The following SCAI variants were observed in gnomAD, a reference collection of about 807,000 sequenced individuals.
SCAI encodes the protein protein SCAI.
SCAI carries 24 observed loss-of-function variants against 92.2 expected under a neutral mutation model. The ratio of observed to expected loss-of-function variants is 0.26; its 90% CI spans 0.19 to 0.37. SCAI has a LOEUF of 0.37. SCAI is among the 10% of genes least tolerant of loss of function. The pLI is 1.00. For synonymous variants in SCAI, 261 were observed against 258.6 expected, an observed-to-expected ratio of 1.01 and a Z score of -0.09; for missense variants, 450 against 736.2, an observed-to-expected ratio of 0.61 and a Z score of 4.50.
At chr9:125,004,264 G>C (rs916956432) in intron 9 of SCAI, among the ~76,000 whole-genome samples, 8 of 151,838 alleles carry the variant, frequency 5.3e-5, no homozygotes, top group Non-Finnish European at 1.0e-4. Flanking sequence ...ATTCACACGT[G>C]TAGGTAGTGT....
intron 2 of SCAI, among the ~76,000 whole-genome samples, chr9:125,081,581 GT>G (rs1176146916): frequency 6.6e-6 from 1 of 152,108 alleles, no homozygotes; most frequent in Non-Finnish European, 1.5e-5. Context: ...GTTTTGTTTT[GT>G]TTTGTTTGGA....
intron 2 of SCAI, among the ~76,000 whole-genome samples, chr9:125,141,330 GTAT>G (rs1268918696): frequency 6.6e-6 from 1 of 152,162 alleles, no homozygotes; most frequent in African/African-American, 2.4e-5. Flanking sequence ...GGTTTTCTGT[GTAT>G]TAACATCATT....
intron 2 of SCAI, among the ~76,000 whole-genome samples, chr9:125,061,215 T>A (rs947015235): frequency 6.6e-6 from 1 of 152,028 alleles, no homozygotes; most frequent in African/African-American, 2.4e-5. Flanking sequence ...GAAAATGGCA[T>A]GAACCCAGGA....
At chr9:125,102,364 T>C (rs1834695223) in intron 2 of SCAI, among the ~76,000 whole-genome samples, 1 of 152,176 alleles carries the variant, frequency 6.6e-6, no homozygotes, top group Non-Finnish European at 1.5e-5. Flanking sequence ...TAAGAGGCCA[T>C]TAGACATGAA....
rs540178147 is a variant in SCAI at position 124,950,692 on chromosome 9, T to C, written c.*2115A>G. On this transcript the variant is annotated 3_prime_UTR_variant, in exon 18 of 18. Coordinates refer to ENST00000336505, the MANE Select transcript of SCAI (RefSeq NM_001144877.3). ...AAAACCCACTAGCAAAGGAAATCTT[T>C]CCAGGGTAACTTTTCCCAAGCTTTC... The C allele has an allele frequency of 6.6e-6, 1 of 152,214 alleles. No homozygotes were observed. Among genetic ancestry groups the C allele is most frequent in the East Asian group, 1.9e-4 (1 of 5,184 alleles). The allele number at this position is 152,214 out of a possible 1,614,324, so 9.4% of individuals were successfully genotyped here.
Position 125,091,384 on chromosome 9 carries a change from G to T in SCAI, c.99-35377C>A, listed in dbSNP as rs1249538431. ...ATTAAGGTCTGTAATTTTCAACCAAGAACCTTTCCTGGAACAATGCCGTTT... is the reference window on the plus strand; with the variant it reads ...ATTAAGGTCTGTAATTTTCAACCAATAACCTTTCCTGGAACAATGCCGTTT... On this transcript the variant is annotated intron_variant, in intron 2 of 17. Transcript: ENST00000336505. The surrounding 1 kb of genome is among the most constrained non-coding windows in gnomAD (Gnocchi z 4.3). Among the ~76,000 whole-genome samples, 1 of 152,094 alleles carries T rather than the reference G, an allele frequency of 6.6e-6. No individual in the cohort carries two copies. The highest frequency in any genetic ancestry group is 2.4e-5 in the African/African-American group (1 of 41,380).
intron 2 of SCAI, among the ~76,000 whole-genome samples, chr9:125,074,122 G>C (rs1176775821): frequency 6.6e-6 from 1 of 151,456 alleles, no homozygotes; most frequent in Non-Finnish European, 1.5e-5. Context: ...AGCCAGGTGT[G>C]GTGGCACGCG....
chr9:125,120,102 C>T (rs1835128901), intron 2 of SCAI, among the ~76,000 whole-genome samples: 1 of 152,184 alleles, frequency 6.6e-6, no homozygotes, highest in African/African-American at 2.4e-5. Context: ...CAGGCTTCAC[C>T]ACTAGATGGG....
At chr9:125,080,153 G>A (rs1043947347) in intron 2 of SCAI, among the ~76,000 whole-genome samples, 2 of 152,046 alleles carry the variant, frequency 1.3e-5, no homozygotes, top group African/African-American at 2.4e-5. Context: ...AAGCTCCCAC[G>A]CTCCAGAAAC....
At chr9:125,130,555 C>T (rs937359751) in intron 2 of SCAI, among the ~76,000 whole-genome samples, 5 of 151,892 alleles carry the variant, frequency 3.3e-5, no homozygotes, top group African/African-American at 1.2e-4. Flanking sequence ...GGCTCTGTTG[C>T]CAGGCTGGAG....
chr9:125,109,211 C>G (rs1276834805), intron 2 of SCAI, among the ~76,000 whole-genome samples: 3 of 152,164 alleles, frequency 2.0e-5, no homozygotes, highest in Non-Finnish European at 4.4e-5. Context: ...CCCAGGGACA[C>G]AAACACTGCG....
At chr9:125,046,922 G>A (rs1833455259) in intron 3 of SCAI, among the ~76,000 whole-genome samples, 2 of 151,822 alleles carry the variant, frequency 1.3e-5, no homozygotes, top group African/African-American at 4.8e-5. Flanking sequence ...TAATATTTTA[G>A]CATAGCATTT....
At chr9:125,003,700 T>G (rs1832412997) in intron 9 of SCAI, 130 bp from the exon 10 acceptor site, 1 of 614,232 alleles carries the variant, frequency 1.6e-6, no homozygotes, top group Non-Finnish European at 2.9e-6. Flanking sequence ...TCTCTAATAT[T>G]TCGTTACAGA....
At chr9:125,004,770 T>C (rs1311215396) in intron 9 of SCAI, among the ~76,000 whole-genome samples, 3 of 9,592 alleles carry the variant, frequency 3.1e-4, no homozygotes, top group African/African-American at 1.0e-3. Context: ...TATATATATA[T>C]ATATATATAT....
chr9:125,099,246 T>C (rs984856668), intron 2 of SCAI, among the ~76,000 whole-genome samples: 2 of 152,146 alleles, frequency 1.3e-5, no homozygotes, highest in Non-Finnish European at 2.9e-5. Flanking sequence ...AAGCATGATG[T>C]AATTCCTATA....
intron 17 of SCAI, among the ~76,000 whole-genome samples, chr9:124,966,554 T>C (rs58765987): frequency 0.03 from 4,625 of 152,276 alleles, 227 homozygotes; most frequent in East Asian, 0.23. Context: ...ATATATCTTA[T>C]AGTAGTAAAT....
chr9:124,979,359 G>A (rs1831830545), intron 14 of SCAI, among the ~76,000 whole-genome samples: 1 of 151,638 alleles, frequency 6.6e-6, no homozygotes, highest in South Asian at 2.1e-4. Context: ...GACCAACATG[G>A]TGAAAGCCCA....
At chr9:124,971,230 T>C in intron 17 of SCAI, 140 bp downstream of exon 17, 1 of 482,382 alleles carries the variant, frequency 2.1e-6, no homozygotes, top group Non-Finnish European at 3.7e-6. Flanking sequence ...AGTGTGACGG[T>C]ACATTTGTAA....
chr9:125,074,582 T>TA (rs1834049851), intron 2 of SCAI, among the ~76,000 whole-genome samples: 1 of 151,686 alleles, frequency 6.6e-6, no homozygotes. Flanking sequence ...TAGTCAGTAC[T>TA]TCTCTCAGTG....
Sources: allele counts gnomAD v4.1 joint callset (sites outside exome capture counted in the v4.1 genomes callset), GRCh38; gene constraint gnomAD v4.1.1; non-coding constraint Gnocchi (gnomAD v3.1); transcripts MANE v1.5; gene names NCBI Gene and HGNC (gene_info 2026-07-23, HGNC 2026-07-21).